CUX1: variants seen among roughly 807,000 people sequenced by gnomAD.
The protein encoded by CUX1 is protein CASP.
Under a neutral mutation model 158.8 loss-of-function variants are expected in CUX1, and 31 were observed. That is an observed-to-expected ratio of 0.20 (90% CI 0.15 to 0.26). The LOEUF (loss-of-function observed/expected upper bound fraction) is 0.26. CUX1 is among the 10% of genes least tolerant of loss of function. The pLI is 1.00. For synonymous variants in CUX1, 879 were observed against 862.1 expected, an observed-to-expected ratio of 1.02 and a Z score of -0.34; for missense variants, 1,589 against 2,014.6, an observed-to-expected ratio of 0.79 and a Z score of 4.04.
intron 9 of CUX1, among the ~76,000 whole-genome samples, chr7:102,168,893 C>CTTTTCTTTTCTTTTCTTTTA (rs1312519453): frequency 3.2e-5 from 4 of 124,810 alleles, no homozygotes; most frequent in East Asian, 2.0e-4. Flanking sequence ...CTTTTCTTTT[C>CTTTTCTTTTCTTTTCTTTTA]TTTTCTTTTC....
intron 6 of CUX1, among the ~76,000 whole-genome samples, chr7:102,106,350 A>G (rs1049820609): frequency 6.6e-5 from 10 of 151,938 alleles, no homozygotes; most frequent in Non-Finnish European, 1.0e-4. Flanking sequence ...GGCCTCCCAA[A>G]GTGCTGGGAT....
intron 20 of CUX1, among the ~76,000 whole-genome samples, chr7:102,212,359 C>G (rs1426856454): frequency 6.6e-6 from 1 of 152,108 alleles, no homozygotes; most frequent in African/African-American, 2.4e-5. Context: ...CAGCACCCTG[C>G]AGTCCCACCT....
At chr7:102,025,497 G>A (rs561805943) in intron 2 of CUX1, among the ~76,000 whole-genome samples, 34 of 152,186 alleles carry the variant, frequency 2.2e-4, no homozygotes, top group Admixed American at 6.5e-4. Flanking sequence ...GTGTGGTGGC[G>A]CATGCCTGTG....
intron 3 of CUX1, among the ~76,000 whole-genome samples, chr7:102,069,176 T>G (rs365397): frequency 0.84 from 127,442 of 152,120 alleles, 53,519 homozygotes; most frequent in East Asian, 0.99. Flanking sequence ...CGTCCGAGGG[T>G]TCTCTTCCTC....
intron 2 of CUX1, among the ~76,000 whole-genome samples, chr7:101,977,160 G>T (rs374550008): frequency 6.6e-6 from 1 of 151,726 alleles, no homozygotes; most frequent in African/African-American, 2.4e-5. Context: ...TGATCCTCCC[G>T]CCTCGGCCTC....
Position 102,200,078 on chromosome 7 carries a change from C to T in CUX1, c.1968C>T (p.Ile656=), listed in dbSNP as rs139575853. The T allele has an allele frequency of 1.2e-5, 19 of 1,611,160 alleles. No individual in the cohort carries two copies. In the African/African-American group the frequency reaches 1.9e-4, roughly 16 times the overall value. Residue 656 remains isoleucine (I), a synonymous_variant, in exon 17 of 24, where the codon ATC becomes ATT. Transcript: ENST00000292535. ...CGCAACTTCTCCCCACAGGTAACAT[C>T]ACCACCCGGATCCGAGCCTCGGAGA... The part of the protein sequence containing the change: ...PKRRNGSEGN[I]TTRIRASETG...
intron 2 of CUX1, among the ~76,000 whole-genome samples, chr7:101,920,928 C>T (rs1047173898): frequency 1.3e-5 from 2 of 152,074 alleles, no homozygotes; most frequent in Non-Finnish European, 2.9e-5. Context: ...TGAGCTCAGG[C>T]GATCCTCTCC....
chr7:102,011,327 G>A (rs1414723617), intron 2 of CUX1, among the ~76,000 whole-genome samples: 1 of 151,932 alleles, frequency 6.6e-6, no homozygotes, highest in Non-Finnish European at 1.5e-5. Flanking sequence ...CTGCCTGGCA[G>A]GAGCTGCTCA....
intron 2 of CUX1, among the ~76,000 whole-genome samples, chr7:101,999,217 C>CTTTT (rs3988167): frequency 0.35 from 30,327 of 85,466 alleles, 5,839 homozygotes; most frequent in East Asian, 0.56. Context: ...TTTTTTTTAC[C>CTTTT]TTTTTTTTTT....
rs757861659 is a variant in CUX1 at position 101,916,237 on chromosome 7, G to A, written c.141+12G>A. 14 of 1,536,102 alleles carry A rather than the reference G, an allele frequency of 9.1e-6. No homozygotes were observed. Among genetic ancestry groups the A allele is most frequent in the Middle Eastern group, 3.4e-4 (2 of 5,916 alleles). Reference sequence around the variant, plus strand: ...AGAACACTCCAGAGGTGAGGCGCGTGACCATCGTGTTCGCTTTGAAGGGAT... The same window carrying A: ...AGAACACTCCAGAGGTGAGGCGCGTAACCATCGTGTTCGCTTTGAAGGGAT... On this transcript the variant is annotated intron_variant, in intron 2 of 23. Coordinates refer to ENST00000292535, the MANE Select transcript of CUX1 (RefSeq NM_181552.4). This position sits in a 1 kb window ranked among gnomAD's most constrained non-coding sequence, Gnocchi z 4.4.
chr7:102,255,973 C>T lies in CUX1; in HGVS notation c.*6931C>T. 1 of 985,376 alleles carries T rather than the reference C, an allele frequency of 1.0e-6. No homozygotes were observed. The highest frequency in any genetic ancestry group is 1.7e-5 in the African/African-American group (1 of 57,340). The allele number at this position is 985,376 out of a possible 1,614,324, so 61.0% of individuals were successfully genotyped here. A position where few individuals can be genotyped will look rare whatever the true frequency, so the allele number is the denominator to read the frequency against. On this transcript the variant is annotated 3_prime_UTR_variant, in exon 24 of 24. Transcript: ENST00000292535. Reference sequence around the variant, plus strand: ...GCACACCAAATGAACTCAAAGTAAGCTTTAGACCAGGACGATTCAGGTTAT... The same window carrying T: ...GCACACCAAATGAACTCAAAGTAAGTTTTAGACCAGGACGATTCAGGTTAT...
intron 3 of CUX1, among the ~76,000 whole-genome samples, chr7:102,030,691 G>GTTTTTTTGTTTTTGTTTTTTGTTT (rs1820664225): frequency 8.4e-6 from 1 of 119,386 alleles, no homozygotes; most frequent in African/African-American, 3.1e-5. Context: ...TTTAAAAAGT[G>GTTTTTTTGTTTTTGTTTTTTGTTT]TTTTTTTTTT....
At chr7:102,212,414 A>G (rs975266546) in intron 20 of CUX1, among the ~76,000 whole-genome samples, 2 of 152,198 alleles carry the variant, frequency 1.3e-5, no homozygotes, top group Non-Finnish European at 2.9e-5. Flanking sequence ...CTGCTTTGCC[A>G]GAACTCGGCC....
intron 2 of CUX1, among the ~76,000 whole-genome samples, chr7:101,952,732 C>T (rs887604065): frequency 2.6e-5 from 4 of 152,236 alleles, no homozygotes; most frequent in African/African-American, 9.6e-5. Flanking sequence ...CCTTCTCCCC[C>T]ACTGCGCCAT....
At chr7:101,936,537 T>C (rs763944592) in intron 2 of CUX1, among the ~76,000 whole-genome samples, 1 of 152,192 alleles carries the variant, frequency 6.6e-6, no homozygotes, top group East Asian at 1.9e-4. Flanking sequence ...CCCGGATACA[T>C]AGGAGAAAAG....
chr7:102,177,184 T>G (rs1399263529), intron 10 of CUX1, among the ~76,000 whole-genome samples: 1 of 151,618 alleles, frequency 6.6e-6, no homozygotes, highest in Non-Finnish European at 1.5e-5. Flanking sequence ...GAGGCCAAGG[T>G]GGGTGGATCA....
Position 102,255,157 on chromosome 7 carries a change from T to C in CUX1, c.*6115T>C, listed in dbSNP as rs1373201660. 5 of 985,410 alleles carry C rather than the reference T, an allele frequency of 5.1e-6. No homozygotes were observed. Among genetic ancestry groups the C allele is most frequent in the Non-Finnish European group, 1.2e-6 (1 of 829,970 alleles). The allele number at this position is 985,410 out of a possible 1,614,324, so 61.0% of individuals were successfully genotyped here. On this transcript the variant is annotated 3_prime_UTR_variant, in exon 24 of 24. Coordinates refer to ENST00000292535, the MANE Select transcript of CUX1 (RefSeq NM_181552.4). ...CCCTGGTCAGGGGAATAGAAGGAAATGCAATTTCCGCCTGTCTGCCCGACT... is the reference window on the plus strand; with the variant it reads ...CCCTGGTCAGGGGAATAGAAGGAAACGCAATTTCCGCCTGTCTGCCCGACT...
intron 1 of CUX1, among the ~76,000 whole-genome samples, chr7:101,859,233 C>T (rs1797189599): frequency 6.6e-6 from 1 of 152,156 alleles, no homozygotes; most frequent in Non-Finnish European, 1.5e-5. Flanking sequence ...CCTCCCTGCA[C>T]CTGAGCTGGG....
rs146557006 is a variant in CUX1, at chr7:102,250,793, CGTGTGT to C, written c.*1753_*1758del. The stretch of plus-strand genomic sequence containing the variant: ...GCGGGTGAGAGTGTGCGTGCGTGTG[CGTGTGT>C]GCAATTTTATACGTCTGTGTATTTT... On this transcript the variant is annotated 3_prime_UTR_variant, in exon 24 of 24. Coordinates refer to ENST00000292535, the MANE Select transcript of CUX1 (RefSeq NM_181552.4). The C allele has an allele frequency of 1.6e-5, 16 of 985,138 alleles. No individual in the cohort carries two copies. In the East Asian group the frequency reaches 6.8e-4, roughly 42 times the overall value. 61.0% of individuals were successfully genotyped at this position (985,138 alleles called of 1,614,324 possible).
Sources: gnomAD v4.1 joint callset for allele counts (sites outside exome capture counted in the v4.1 genomes callset) on GRCh38, gnomAD v4.1.1 for gene constraint, Gnocchi (gnomAD v3.1) non-coding constraint, MANE v1.5 for transcripts, NCBI Gene and HGNC (gene_info 2026-07-23, HGNC 2026-07-21) for gene names.